The following RYR3 variants were observed in gnomAD, a reference collection of about 807,000 sequenced individuals.
RYR3 encodes ryanodine receptor 3, also known as brain ryanodine receptor-calcium release channel.
In RYR3, 207 loss-of-function variants were observed where a neutral mutation model predicts 584.3. The observed-to-expected ratio is 0.35, with a 90% CI of 0.32 to 0.40. RYR3 has a LOEUF of 0.40. Among genes scored for constraint, RYR3 ranks in the 10% least tolerant of loss-of-function variants. The probability of loss-of-function intolerance (pLI) is 1.00; values close to 1 mark genes in which losing one functional copy is unlikely to be tolerated. For missense variants in RYR3, 5,616 were observed against 6,089.2 expected, an observed-to-expected ratio of 0.92 and a Z score of 2.59; for synonymous variants, 2,416 against 2,248.5, an observed-to-expected ratio of 1.07 and a Z score of -2.11.
At chr15:33,414,938 T>C (rs1326621870) in intron 1 of RYR3, among the ~76,000 whole-genome samples, 1 of 152,204 alleles carries the variant, frequency 6.6e-6, no homozygotes, top group African/African-American at 2.4e-5. Flanking sequence ...CAATCATCTT[T>C]GTGCCTGATA....
chr15:33,363,751 A>G (rs1975091513), intron 1 of RYR3, among the ~76,000 whole-genome samples: 2 of 152,218 alleles, frequency 1.3e-5, no homozygotes, highest in Non-Finnish European at 1.5e-5. Flanking sequence ...TCACACTCAG[A>G]ACTTTCTGTG....
intron 6 of RYR3, among the ~76,000 whole-genome samples, chr15:33,540,301 G>T (rs1009209085): frequency 2.0e-5 from 3 of 152,124 alleles, no homozygotes; most frequent in Non-Finnish European, 4.4e-5. Context: ...AGTGGAAGTT[G>T]CCAGTGAGAT....
At chr15:33,825,861 T>C (rs1041909673) in intron 82 of RYR3, 185 bp downstream of exon 82, 3 of 535,438 alleles carry the variant, frequency 5.6e-6, no homozygotes, top group Admixed American at 3.4e-5. Context: ...TCCTCCCGAG[T>C]AGATGGGATT....
At chr15:33,712,037 G>A (rs1373924368) in intron 43 of RYR3, among the ~76,000 whole-genome samples, 2 of 152,184 alleles carry the variant, frequency 1.3e-5, no homozygotes, top group Non-Finnish European at 2.9e-5. Context: ...CAGGAAGCAT[G>A]GTGCTAGCAT....
chr15:33,349,865 A>G (rs1340473218), intron 1 of RYR3, among the ~76,000 whole-genome samples: 2 of 151,404 alleles, frequency 1.3e-5, no homozygotes, highest in Non-Finnish European at 2.9e-5. Flanking sequence ...TGTTCTTGGG[A>G]TAGTTTACTG....
At chr15:33,621,840 A>T (rs1052963843) in intron 19 of RYR3, among the ~76,000 whole-genome samples, 2 of 152,224 alleles carry the variant, frequency 1.3e-5, no homozygotes, top group Non-Finnish European at 2.9e-5. Context: ...GATCACAATT[A>T]TGCAGCCAAC....
At chr15:33,561,905 GAAAAAAA>G (rs745931310) in intron 10 of RYR3, among the ~76,000 whole-genome samples, 1 of 121,832 alleles carries the variant, frequency 8.2e-6, no homozygotes, top group African/African-American at 3.0e-5. Context: ...GGCTCAAAAA[GAAAAAAA>G]AAAAAGAGAG....
intron 95 of RYR3, 40 bp from the exon 96 acceptor site, chr15:33,853,515 G>A (rs777195806): frequency 1.2e-6 from 2 of 1,600,196 alleles, no homozygotes; most frequent in East Asian, 2.2e-5. Flanking sequence ...ATTTGGTGGT[G>A]GCGTGTGGCC....
intron 86 of RYR3, 104 bp from the exon 87 acceptor site, chr15:33,834,864 A>C (rs1464103945): frequency 4.2e-6 from 3 of 718,034 alleles, no homozygotes; most frequent in Non-Finnish European, 6.9e-6. Flanking sequence ...TGACTTTTGG[A>C]AAGTCTATCT....
intron 20 of RYR3, among the ~76,000 whole-genome samples, chr15:33,628,019 A>G (rs2061079912): frequency 6.6e-6 from 1 of 152,208 alleles, no homozygotes; most frequent in Non-Finnish European, 1.5e-5. Flanking sequence ...AGGAGAAAAA[A>G]GATTTTGAAG....
intron 43 of RYR3, among the ~76,000 whole-genome samples, chr15:33,720,112 C>T (rs1031805970): frequency 1.3e-5 from 2 of 152,160 alleles, no homozygotes; most frequent in African/African-American, 2.4e-5. Context: ...TAAATTCAGT[C>T]TAATAAATTT....
chr15:33,524,882 G>T (rs1052345631), intron 3 of RYR3, among the ~76,000 whole-genome samples: 3 of 151,838 alleles, frequency 2.0e-5, no homozygotes, highest in African/African-American at 7.3e-5. Flanking sequence ...TAACCCTTTT[G>T]TCATAGTGTT....
intron 1 of RYR3, among the ~76,000 whole-genome samples, chr15:33,450,600 GTTCT>G (rs2047045214): frequency 1.3e-5 from 2 of 150,310 alleles, no homozygotes; most frequent in South Asian, 2.1e-4. Context: ...TTTTTTGAGG[GTTCT>G]TTTTTTTTTT....
At chr15:33,812,488 A>G (rs985081304) in intron 72 of RYR3, among the ~76,000 whole-genome samples, 1 of 152,212 alleles carries the variant, frequency 6.6e-6, no homozygotes, top group East Asian at 1.9e-4. Flanking sequence ...GTTTGAAAAA[A>G]GACTTCATAG....
At chr15:33,477,019 C>T (rs903232821) in intron 2 of RYR3, among the ~76,000 whole-genome samples, 3 of 152,160 alleles carry the variant, frequency 2.0e-5, no homozygotes, top group African/African-American at 7.2e-5. Flanking sequence ...TAATTCTCTA[C>T]CATCAAATTT....
intron 12 of RYR3, 69 bp from the exon 13 acceptor site, chr15:33,579,906 AC>A: frequency 7.8e-7 from 1 of 1,276,238 alleles, no homozygotes; most frequent in Non-Finnish European, 1.1e-6. Flanking sequence ...TAGGAGTGGG[AC>A]CCAGTGGGTG....
At chr15:33,673,165 G>C (rs1167288990) in intron 38 of RYR3, among the ~76,000 whole-genome samples, 1 of 152,182 alleles carries the variant, frequency 6.6e-6, no homozygotes, top group Non-Finnish European at 1.5e-5. Context: ...ATATCTCACT[G>C]TTTTGACTCA....
chr15:33,439,863 T>C (rs1002095361), intron 1 of RYR3, among the ~76,000 whole-genome samples: 2 of 152,236 alleles, frequency 1.3e-5, no homozygotes, highest in Non-Finnish European at 2.9e-5. Context: ...CCTTTTTCAT[T>C]CATTAACATA....
At chr15:33,347,980 C>A (rs1220416131) in intron 1 of RYR3, among the ~76,000 whole-genome samples, 2 of 151,370 alleles carry the variant, frequency 1.3e-5, no homozygotes, top group Non-Finnish European at 2.9e-5. Flanking sequence ...ACTGACAGAG[C>A]AAAGAAAGAT....
Sources: allele counts gnomAD v4.1 joint callset (sites outside exome capture counted in the v4.1 genomes callset), GRCh38; gene constraint gnomAD v4.1.1; transcripts MANE v1.5; gene names NCBI Gene and HGNC (gene_info 2026-07-23, HGNC 2026-07-21).